TTC29: variants seen among roughly 807,000 people sequenced by gnomAD.
TTC29 encodes tetratricopeptide repeat domain 29.
TTC29 carries 49 observed loss-of-function variants against 58.1 expected under a neutral mutation model. That is an observed-to-expected ratio of 0.84 (90% CI 0.67 to 1.07). The LOEUF (loss-of-function observed/expected upper bound fraction) is 1.07. TTC29 is among the 50% of genes least tolerant of loss of function. The probability of loss-of-function intolerance (pLI) is 0.00; values close to 1 mark genes in which losing one functional copy is unlikely to be tolerated. For synonymous variants in TTC29, 209 were observed against 196.8 expected (o/e 1.06, Z -0.52); for missense variants, 582 against 555.6 (o/e 1.05, Z -0.48).
chr4:146,896,738 C>T (rs1170235090), intron 6 of TTC29, among the ~76,000 whole-genome samples: 1 of 152,050 alleles, frequency 6.6e-6, no homozygotes, highest in Non-Finnish European at 1.5e-5. Context: ...GATCGTTATT[C>T]AAGTTTGTCC....
chr4:146,820,151 T>C lies in TTC29; in HGVS notation c.1075A>G (p.Met359Val). Reference sequence around the variant, plus strand: ...TTTTCATTGTAGATGTCCCCAAGCATTGTACTTGCTCTCACCAAATCTAGG... The same window carrying C: ...TTTTCATTGTAGATGTCCCCAAGCACTGTACTTGCTCTCACCAAATCTAGG... ...QSLDLVRAST[M>V]LGDIYNEKGY... is the part of the protein sequence containing the mutation. The change falls in exon 10 of 13, where the codon ATG becomes GTG. Residue 359 changes from methionine (M) to valine (V), a missense_variant. Physicochemically the swap from Met to Val is conservative, Grantham distance 21 (BLOSUM62 1). Coordinates refer to ENST00000325106, the MANE Select transcript of TTC29 (RefSeq NM_031956.4). 6.2e-7 allele frequency: 1 copy of C among 1,613,284 alleles called. No homozygotes were observed. Among genetic ancestry groups the C allele is most frequent in the Non-Finnish European group, 8.5e-7 (1 of 1,179,778 alleles).
chr4:146,914,340 T>C (rs1734082556), intron 4 of TTC29, among the ~76,000 whole-genome samples: 1 of 152,202 alleles, frequency 6.6e-6, no homozygotes, highest in Non-Finnish European at 1.5e-5. Flanking sequence ...ATTTATTCGC[T>C]TAATCATTAT....
At chr4:146,819,977 T>A (rs948340524) in intron 10 of TTC29, 148 bp downstream of exon 10, 3 of 1,029,700 alleles carry the variant, frequency 2.9e-6, no homozygotes, top group South Asian at 2.8e-5. Context: ...GTCCTTGCCA[T>A]GGACATTAAC....
intron 11 of TTC29, among the ~76,000 whole-genome samples, chr4:146,799,676 T>G (rs1162130779): frequency 6.6e-6 from 1 of 152,218 alleles, no homozygotes; most frequent in African/African-American, 2.4e-5. Flanking sequence ...GATTTGCATC[T>G]TATTTCTCTG....
At chr4:146,878,343 A>G (rs571029146) in intron 6 of TTC29, among the ~76,000 whole-genome samples, 1 of 152,278 alleles carries the variant, frequency 6.6e-6, no homozygotes, top group Non-Finnish European at 1.5e-5. Context: ...ATGCTTGGGT[A>G]AAAGAGAACA....
chr4:146,772,497 C>T (rs1479013110), intron 11 of TTC29, among the ~76,000 whole-genome samples: 2 of 152,000 alleles, frequency 1.3e-5, no homozygotes, highest in Non-Finnish European at 2.9e-5. Flanking sequence ...GAATTCTGTC[C>T]ACATTGCTTG....
At chr4:146,916,736 T>C (rs1006633658) in intron 4 of TTC29, among the ~76,000 whole-genome samples, 1 of 151,480 alleles carries the variant, frequency 6.6e-6, no homozygotes, top group Admixed American at 6.6e-5. Context: ...TCCATCCTAA[T>C]ACAGATATTA....
In TTC29 at chr4:146,803,497, C is replaced by T. The variant is rs753930564; in HGVS notation, c.1290G>A (p.Trp430Ter). The T allele has an allele frequency of 1.0e-5, 16 of 1,597,308 alleles. No homozygotes were observed. Among genetic ancestry groups the T allele is most frequent in the Non-Finnish European group, 1.4e-5 (16 of 1,170,444 alleles). ...GTTCAATGTTACCTCTGCTCTCCTT[C>T]CATGACAGCAGGTAGTTGAGGCTGG... ...DLTSLNYLLS[W>*]KESRGNIEPD... is the part of the protein sequence containing the mutation. Residue 430 changes from tryptophan to a stop codon, truncating the protein, a stop_gained, in exon 11 of 13, where the codon TGG (tryptophan) becomes TGA (stop). Transcript: ENST00000325106. LOFTEE classifies it high-confidence loss of function.
At chr4:146,881,180 T>C (rs1367317443) in intron 6 of TTC29, among the ~76,000 whole-genome samples, 1 of 152,156 alleles carries the variant, frequency 6.6e-6, no homozygotes, top group Non-Finnish European at 1.5e-5. Context: ...CTAAGACGCA[T>C]AGACTGGTCT....
chr4:146,797,861 T>TATATATATATATATATATATATATA (rs1749935785), intron 11 of TTC29, among the ~76,000 whole-genome samples: 1 of 144,120 alleles, frequency 6.9e-6, no homozygotes, highest in African/African-American at 2.5e-5. Context: ...TATATATATA[T>TATATATATATATATATATATATATA]TCGTTCTCTC....
At position 146,909,102 on chromosome 4, in the gene TTC29, C is replaced by A. The variant is rs1403867770; in HGVS notation, c.324G>T (p.Lys108Asn). The change falls in exon 5 of 13, where the codon AAG becomes AAT. Residue 108 changes from lysine (K) to asparagine (N), a missense_variant. By Grantham distance (94) the Lys-to-Asn change is moderately conservative. Coordinates refer to ENST00000325106, the MANE Select transcript of TTC29 (RefSeq NM_031956.4). ...GTTTATCAGGCTGCTCCTCCAGGGG[C>A]TTCTGCAGCCAGAAGAGGGACCTGA... is the stretch of plus-strand genomic sequence containing the variant. ...ARVRSLFWLQ[K>N]PLEEQPDKLD... is the part of the protein sequence containing the mutation. 1 of 1,613,932 alleles carries A rather than the reference C, an allele frequency of 6.2e-7. No individual in the cohort carries two copies. The highest frequency in any genetic ancestry group is 8.5e-7 in the Non-Finnish European group (1 of 1,179,870).
At chr4:146,930,727 C>T (rs1735276573) in intron 4 of TTC29, among the ~76,000 whole-genome samples, 1 of 152,196 alleles carries the variant, frequency 6.6e-6, no homozygotes, top group Non-Finnish European at 1.5e-5. Context: ...CAAAACTCAA[C>T]ATAATAAAAC....
chr4:146,849,958 C>T (rs915889289), intron 8 of TTC29, among the ~76,000 whole-genome samples: 6 of 152,236 alleles, frequency 3.9e-5, no homozygotes, highest in Non-Finnish European at 5.9e-5. Context: ...CACCCTACCT[C>T]TTGCCTTGGA....
At chr4:146,889,732 T>G (rs1732224542) in intron 6 of TTC29, among the ~76,000 whole-genome samples, 1 of 152,182 alleles carries the variant, frequency 6.6e-6, no homozygotes, top group Admixed American at 6.5e-5. Context: ...TTATGTTAAA[T>G]ATGTTTTTAC....
chr4:146,901,232 T>A (rs996696542), intron 6 of TTC29, among the ~76,000 whole-genome samples: 5 of 152,198 alleles, frequency 3.3e-5, no homozygotes, highest in Non-Finnish European at 5.9e-5. Flanking sequence ...TCTCAATAAC[T>A]TCTCAAATTT....
chr4:146,839,812 G>A (rs2150167104), intron 8 of TTC29, among the ~76,000 whole-genome samples: 1 of 151,190 alleles, frequency 6.6e-6, no homozygotes, highest in African/African-American at 2.4e-5. Context: ...CTACCCCTTT[G>A]GTGCACCTCC....
chr4:146,798,160 G>A (rs997677873), intron 11 of TTC29, among the ~76,000 whole-genome samples: 14 of 151,986 alleles, frequency 9.2e-5, no homozygotes, highest in African/African-American at 3.1e-4. Context: ...GGATATAGGA[G>A]TGGCATCAGA....
chr4:146,883,074 C>A (rs1377412345), intron 6 of TTC29, among the ~76,000 whole-genome samples: 1 of 152,074 alleles, frequency 6.6e-6, no homozygotes. Flanking sequence ...CCTAAATTCA[C>A]ATACTCAGTA....
intron 4 of TTC29, among the ~76,000 whole-genome samples, chr4:146,911,604 G>T (rs895629541): frequency 6.6e-6 from 1 of 152,192 alleles, no homozygotes; most frequent in Non-Finnish European, 1.5e-5. Context: ...GAGGGCCTTG[G>T]TTCAGTAGCC....
Sources: allele counts gnomAD v4.1 joint callset (sites outside exome capture counted in the v4.1 genomes callset), GRCh38; gene constraint gnomAD v4.1.1; transcripts MANE v1.5; gene names NCBI Gene and HGNC (gene_info 2026-07-23, HGNC 2026-07-21).